CPXCR1: variants seen among roughly 807,000 people sequenced by gnomAD.
The protein encoded by CPXCR1 is CPX chromosomal region candidate gene 1 protein.
CPXCR1 carries 15 observed loss-of-function variants against 13.8 expected under a neutral mutation model. The ratio of observed to expected loss-of-function variants is 1.09; its 90% CI spans 0.73 to 1.67. CPXCR1 has a LOEUF of 1.67. Among genes scored for constraint, CPXCR1 ranks in the 40% most tolerant of loss-of-function variants. The pLI is 0.00. For missense variants in CPXCR1, 247 were observed against 223.6 expected (o/e 1.10, Z -0.67); for synonymous variants, 70 against 76.7 (o/e 0.91, Z 0.46).
chrX:88,751,446 T>C (rs1442763657), intron 2 of CPXCR1, among the ~76,000 whole-genome samples: 1 of 112,010 alleles, frequency 8.9e-6, no homozygotes, highest in Non-Finnish European at 1.9e-5. Flanking sequence ...TTATTATGAT[T>C]TCCTTTCTTT....
chrX:88,748,086 T>C (rs1924818346), intron 1 of CPXCR1, among the ~76,000 whole-genome samples: 1 of 111,293 alleles, frequency 9.0e-6, no homozygotes, highest in South Asian at 3.7e-4. Context: ...GTATTTAGAA[T>C]AAAGTGTAAT....
In CPXCR1 at chrX:88,753,616, G is replaced by A; in HGVS notation, c.202G>A (p.Glu68Lys). Residue 68 changes from glutamate to lysine, a missense_variant, in exon 3 of 3, where the codon GAA becomes AAA. Physicochemically the swap from Glu to Lys is moderately conservative, Grantham distance 56. Transcript: ENST00000276127. ...GGAAGATGTTGTTCCTCAAGCAGCA[G>A]AAAACAGCGAGCTCGAAACAGAGAT... ...SQEDVVPQAA[E>K]NSELETEIQK... 1 of 1,206,902 alleles carries A rather than the reference G, an allele frequency of 8.3e-7. No homozygotes were observed. Among genetic ancestry groups the A allele is most frequent in the Non-Finnish European group, 1.1e-6 (1 of 893,536 alleles).
chrX:88,751,677 A>G (rs2147632544), intron 2 of CPXCR1, among the ~76,000 whole-genome samples: 1 of 111,582 alleles, frequency 9.0e-6, no homozygotes, highest in East Asian at 2.8e-4. Context: ...CCAATAAAAG[A>G]TATAACGTTT....
chrX:88,752,189 A>G (rs907656289), intron 2 of CPXCR1, among the ~76,000 whole-genome samples: 1 of 111,760 alleles, frequency 8.9e-6, no homozygotes. Context: ...TCAGAGTATT[A>G]GGGTACACTG....
At chrX:88,749,036 G>A (rs1280001302) in intron 1 of CPXCR1, among the ~76,000 whole-genome samples, 1 of 103,978 alleles carries the variant, frequency 9.6e-6, no homozygotes, top group African/African-American at 3.5e-5. Flanking sequence ...CCATTAACTC[G>A]TCATTTAGCA....
At position 88,754,315 on chromosome X, in the gene CPXCR1, A is replaced by G. The variant is rs756495344; in HGVS notation, c.901A>G (p.Asn301Asp). The G allele has an allele frequency of 8.5e-6, 9 of 1,054,999 alleles. No individual in the cohort carries two copies. Among genetic ancestry groups the G allele is most frequent in the Non-Finnish European group, 1.1e-5 (9 of 792,154 alleles). 86.9% of individuals were successfully genotyped at this position (1,054,999 alleles called of 1,213,427 possible). A position where few individuals can be genotyped will look rare whatever the true frequency, so the allele number is the denominator to read the frequency against. ...ACAACATTCATGCAGCTCTTCTGGGAATTAAATTAAATTGGGGTAAATTCA... is the reference window on the plus strand; with the variant it reads ...ACAACATTCATGCAGCTCTTCTGGGGATTAAATTAAATTGGGGTAAATTCA... ...LRQHSCSSSG[N>D] Residue 301 changes from asparagine to aspartate, a missense_variant, in exon 3 of 3, where the codon AAT becomes GAT. Asn to Asp is a conservative substitution (Grantham distance 23). Transcript: ENST00000276127.
intron 2 of CPXCR1, among the ~76,000 whole-genome samples, chrX:88,751,530 G>T (rs760810524): frequency 9.0e-6 from 1 of 111,454 alleles, no homozygotes; most frequent in African/African-American, 3.3e-5. Context: ...GTGCTGAGAA[G>T]AATGTATATT....
intron 1 of CPXCR1, 95 bp downstream of exon 1, chrX:88,747,464 T>C (rs962866751): frequency 5.3e-5 from 6 of 112,614 alleles, no homozygotes; most frequent in Non-Finnish European, 1.1e-4. Flanking sequence ...TTTGTTGATG[T>C]AGATCTTATT....
chrX:88,748,103 C>T (rs1284268764), intron 1 of CPXCR1, among the ~76,000 whole-genome samples: 3 of 110,684 alleles, frequency 2.7e-5, no homozygotes, highest in Non-Finnish European at 5.7e-5. Context: ...TAATATTGTG[C>T]TTCTTCAGGG....
chrX:88,754,330 G>T lies in CPXCR1; in HGVS notation c.*10G>T. The stretch of plus-strand genomic sequence containing the variant: ...CTCTTCTGGGAATTAAATTAAATTG[G>T]GGTAAATTCATTTTAAAATATAACT... On this transcript the variant is annotated 3_prime_UTR_variant, in exon 3 of 3. Coordinates refer to ENST00000276127, the MANE Select transcript of CPXCR1 (RefSeq NM_033048.6). 4.0e-6 allele frequency: 4 copies of T among 1,010,701 alleles called. No individual in the cohort carries two copies. The highest frequency in any genetic ancestry group is 2.9e-5 in the South Asian group (1 of 34,366). The allele number at this position is 1,010,701 out of a possible 1,213,427, so 83.3% of individuals were successfully genotyped here. A position where few individuals can be genotyped will look rare whatever the true frequency, so the allele number is the denominator to read the frequency against.
chrX:88,748,248 ATGT>A (rs1406171147), intron 1 of CPXCR1, among the ~76,000 whole-genome samples: 4 of 110,185 alleles, frequency 3.6e-5, no homozygotes, highest in Admixed American at 9.7e-5. Flanking sequence ...AAACAGTGAA[ATGT>A]TGTGTGTGTG....
intron 2 of CPXCR1, among the ~76,000 whole-genome samples, chrX:88,750,523 C>A (rs1240577327): frequency 9.0e-6 from 1 of 111,528 alleles, no homozygotes; most frequent in Admixed American, 9.5e-5. Context: ...GGGATATCGG[C>A]CTGAAATTCT....
intron 1 of CPXCR1, among the ~76,000 whole-genome samples, chrX:88,748,745 A>G (rs1366762869): frequency 1.8e-5 from 2 of 109,875 alleles, no homozygotes; most frequent in African/African-American, 6.6e-5. Flanking sequence ...TGACATAAAT[A>G]TATGTGATAA....
At position 88,753,566 on chromosome X, in the gene CPXCR1, G is replaced by A. The variant is rs1467275011; in HGVS notation, c.152G>A (p.Arg51Lys). 8.3e-7 allele frequency: 1 copy of A among 1,209,311 alleles called. No homozygotes were observed. Among genetic ancestry groups the A allele is most frequent in the Middle Eastern group, 2.3e-4 (1 of 4,338 alleles). ...CAGGTAGAAACCAACCCAATAAACA[G>A]GGAGCCAGGCACAGCAACCTCCCAG... Reference protein sequence around the residue: ...IYQVETNPINREPGTATSQED... With the variant: ...IYQVETNPINKEPGTATSQED... Residue 51 changes from arginine (R) to lysine (K), a missense_variant, in exon 3 of 3, where the codon AGG becomes AAG. Transcript: ENST00000276127.
chrX:88,750,401 C>G (rs1924885130), intron 2 of CPXCR1, among the ~76,000 whole-genome samples: 1 of 111,628 alleles, frequency 9.0e-6, no homozygotes, highest in East Asian at 2.8e-4. Context: ...GTTGAACCAG[C>G]CTTGCATCCC....
intron 1 of CPXCR1, among the ~76,000 whole-genome samples, chrX:88,748,972 AC>A (rs1308310919): frequency 9.3e-6 from 1 of 107,142 alleles, no homozygotes; most frequent in African/African-American, 3.4e-5. Context: ...GTACATGTGC[AC>A]AACATAAAGT....
Position 88,754,417 on chromosome X carries a change from T to C in CPXCR1, c.*97T>C. 1.8e-6 allele frequency: 1 copy of C among 544,130 alleles called. No individual in the cohort carries two copies. Among genetic ancestry groups the C allele is most frequent in the Non-Finnish European group, 2.9e-6 (1 of 345,670 alleles). 44.8% of individuals were successfully genotyped at this position (544,130 alleles called of 1,213,427 possible). ...AATTGCATGAACATAAATTTTAGTATTATTAGAGGGAGTAGCAGAAAGGAA... is the reference window on the plus strand; with the variant it reads ...AATTGCATGAACATAAATTTTAGTACTATTAGAGGGAGTAGCAGAAAGGAA... On this transcript the variant is annotated 3_prime_UTR_variant, in exon 3 of 3. Coordinates refer to ENST00000276127, the MANE Select transcript of CPXCR1 (RefSeq NM_033048.6).
intron 1 of CPXCR1, among the ~76,000 whole-genome samples, chrX:88,747,582 C>G (rs770975303): frequency 9.0e-6 from 1 of 111,522 alleles, no homozygotes; most frequent in Non-Finnish European, 1.9e-5. Context: ...TTGAGTGATG[C>G]AATCATTTTA....
chrX:88,747,587 A>G (rs1924806714), intron 1 of CPXCR1, among the ~76,000 whole-genome samples: 1 of 111,961 alleles, frequency 8.9e-6, no homozygotes, highest in South Asian at 3.7e-4. Flanking sequence ...TGATGCAATC[A>G]TTTTAAAGTA....
Sources: gnomAD v4.1 joint callset for allele counts (sites outside exome capture counted in the v4.1 genomes callset) on GRCh38, gnomAD v4.1.1 for gene constraint, MANE v1.5 for transcripts, NCBI Gene and HGNC (gene_info 2026-07-23, HGNC 2026-07-21) for gene names.